SMURF2: variants seen among roughly 807,000 people sequenced by gnomAD.
SMURF2 encodes the protein E3 ubiquitin-protein ligase SMURF2.
A neutral mutation model predicts 109.6 loss-of-function variants in SMURF2; 48 were observed. The observed-to-expected ratio is 0.44, with a 90% CI of 0.35 to 0.56. The LOEUF (loss-of-function observed/expected upper bound fraction) is 0.56. SMURF2 is among the 20% of genes least tolerant of loss of function. The pLI is 0.01. For missense variants in SMURF2, 575 were observed against 909.0 expected (o/e 0.63, Z 4.72); for synonymous variants, 288 against 317.1 (o/e 0.91, Z 0.97).
chr17:64,594,804 TGG>T (rs1366320516), intron 3 of SMURF2, among the ~76,000 whole-genome samples: 1 of 152,024 alleles, frequency 6.6e-6, no homozygotes, highest in Non-Finnish European at 1.5e-5. Flanking sequence ...CTGACCAACA[TGG>T]AGAAACCCTG....
chr17:64,606,033 A>T (rs1399703705), intron 2 of SMURF2, among the ~76,000 whole-genome samples: 2 of 151,832 alleles, frequency 1.3e-5, no homozygotes, highest in Admixed American at 1.3e-4. Context: ...CCCTCTCATA[A>T]AACTTAGTAC....
intron 1 of SMURF2, among the ~76,000 whole-genome samples, chr17:64,650,202 GC>G (rs2144732692): frequency 7.5e-6 from 1 of 133,122 alleles, no homozygotes; most frequent in African/African-American, 3.3e-5. Flanking sequence ...AATAAGACTT[GC>G]CTTTTTTTTT....
intron 1 of SMURF2, among the ~76,000 whole-genome samples, chr17:64,612,812 T>C (rs1970062903): frequency 6.6e-6 from 1 of 151,806 alleles, no homozygotes; most frequent in Non-Finnish European, 1.5e-5. Flanking sequence ...AATTGAAAAA[T>C]CAAAAGAACA....
intron 1 of SMURF2, among the ~76,000 whole-genome samples, chr17:64,623,891 A>C (rs1251812942): frequency 6.6e-6 from 1 of 152,268 alleles, no homozygotes; most frequent in Non-Finnish European, 1.5e-5. Context: ...CTATACGTAG[A>C]CAGGAAAAAG....
In SMURF2 at chr17:64,604,212, T is replaced by G. The variant is rs559591560; in HGVS notation, c.91+2390A>C. Among the ~76,000 whole-genome samples the G allele has an allele frequency of 3.6e-4, 55 of 152,284 alleles. No individual in the cohort carries two copies. In the Middle Eastern group the frequency reaches 0.017, roughly 47 times the overall value. On this transcript the variant is annotated intron_variant, in intron 2 of 18. Coordinates refer to ENST00000262435, the MANE Select transcript of SMURF2 (RefSeq NM_022739.4). ...CTTCCATTCCTGGCTAACTCCCCTC[T>G]GAAGCCCTAAGGATTACCATTCCTG...
chr17:64,658,071 T>C (rs947509803), intron 1 of SMURF2, among the ~76,000 whole-genome samples: 10 of 152,130 alleles, frequency 6.6e-5, no homozygotes, highest in African/African-American at 2.4e-4. Context: ...AAAGTCATTA[T>C]GGGCCGGGTG....
At chr17:64,634,432 A>T (rs555711855) in intron 1 of SMURF2, among the ~76,000 whole-genome samples, 1 of 152,018 alleles carries the variant, frequency 6.6e-6, no homozygotes, top group Non-Finnish European at 1.5e-5. Context: ...CTGACTTTAA[A>T]CCATTTCCTG....
chr17:64,586,750 C>CAAAAAAAAAAAA (rs782490512), intron 5 of SMURF2, among the ~76,000 whole-genome samples: 2 of 27,462 alleles, frequency 7.3e-5, no homozygotes, highest in African/African-American at 2.6e-4. Flanking sequence ...GACTCCGTCT[C>CAAAAAAAAAAAA]AAAAAAAAAA....
intron 4 of SMURF2, among the ~76,000 whole-genome samples, chr17:64,591,435 AT>A (rs1246141966): frequency 6.6e-6 from 1 of 152,140 alleles, no homozygotes; most frequent in African/African-American, 2.4e-5. Context: ...GAATCCTCAT[AT>A]TTTTTTGAGG....
rs1555684671 is a variant in SMURF2, at chr17:64,562,919, A to G, written c.1064T>C (p.Leu355Ser). Residue 355 changes from leucine to serine, a missense_variant, in exon 11 of 19, where the codon TTA (leucine) becomes TCA (serine). By Grantham distance (145) the Leu-to-Ser change is moderately radical. Around this residue, in one of 5 missense-constraint regions of SMURF2, gnomAD observed 361 missense variants for 612.1 expected, o/e 0.59. Coordinates refer to ENST00000262435, the MANE Select transcript of SMURF2 (RefSeq NM_022739.4). ...KDQQQQQVVSLCPDDTECLTV... is the reference protein window; with the variant it reads ...KDQQQQQVVSSCPDDTECLTV... ...CAGGCATTCTGTGTCATCAGGACAT[A>G]ACGATACCACTTGCTGTTGCTGTTG... The G allele has an allele frequency of 1.2e-6, 2 of 1,614,182 alleles. No individual in the cohort carries two copies. The highest frequency in any genetic ancestry group is 1.7e-6 in the Non-Finnish European group (2 of 1,180,010).
chr17:64,588,579 TAA>T (rs1419664467), intron 5 of SMURF2, among the ~76,000 whole-genome samples: 1 of 152,078 alleles, frequency 6.6e-6, no homozygotes, highest in African/African-American at 2.4e-5. Context: ...TTTATGTATA[TAA>T]AAATACTAGA....
intron 11 of SMURF2, among the ~76,000 whole-genome samples, chr17:64,561,816 G>C (rs568044214): frequency 6.6e-6 from 1 of 152,020 alleles, no homozygotes; most frequent in Non-Finnish European, 1.5e-5. Flanking sequence ...GGGCAACATA[G>C]TGAAACTCTG....
At chr17:64,649,313 G>C (rs1555693260) in intron 1 of SMURF2, among the ~76,000 whole-genome samples, 1 of 152,098 alleles carries the variant, frequency 6.6e-6, no homozygotes, top group African/African-American at 2.4e-5. Flanking sequence ...CTACTGGCAA[G>C]AGGTGACGCT....
At chr17:64,599,989 C>T (rs1240187574) in intron 2 of SMURF2, among the ~76,000 whole-genome samples, 1 of 152,120 alleles carries the variant, frequency 6.6e-6, no homozygotes, top group African/African-American at 2.4e-5. Context: ...GCTTAAAAGT[C>T]GGGCAACAGG....
In SMURF2 at chr17:64,562,667, C is replaced by T. The variant is rs540925996; in HGVS notation, c.1212+104G>A. The T allele has an allele frequency of 4.5e-5, 52 of 1,161,380 alleles. No individual in the cohort carries two copies. In the African/African-American group the frequency reaches 5.0e-4, roughly 11 times the overall value. The allele number at this position is 1,161,380 out of a possible 1,614,324, so 71.9% of individuals were successfully genotyped here. On this transcript the variant is annotated intron_variant, in intron 11 of 18. Coordinates refer to ENST00000262435, the MANE Select transcript of SMURF2 (RefSeq NM_022739.4). The stretch of plus-strand genomic sequence containing the variant: ...TGCTGGGATTACAGGCGTGAGCCAC[C>T]GCACCCGGCCAATTTCTCTCTAATT...
At chr17:64,619,339 A>G (rs61271100) in intron 1 of SMURF2, among the ~76,000 whole-genome samples, 27,797 of 151,504 alleles carry the variant, frequency 0.18, 4,694 homozygotes, top group African/African-American at 0.44. Context: ...TTTGCCAGGC[A>G]TGGTGGCATG....
At chr17:64,548,050 T>G (rs907699476) in intron 16 of SMURF2, among the ~76,000 whole-genome samples, 1 of 152,180 alleles carries the variant, frequency 6.6e-6, no homozygotes, top group Non-Finnish European at 1.5e-5. Flanking sequence ...ATCTACTCAC[T>G]GCAAACTCCC....
At chr17:64,551,445 C>T (rs1969044478) in intron 16 of SMURF2, 139 bp downstream of exon 16, 1 of 903,170 alleles carries the variant, frequency 1.1e-6, no homozygotes, top group African/African-American at 1.7e-5. Context: ...AAGACTTTTC[C>T]TGTGAATAAG....
At chr17:64,591,417 C>G (rs1475522473) in intron 4 of SMURF2, among the ~76,000 whole-genome samples, 6 of 152,244 alleles carry the variant, frequency 3.9e-5, no homozygotes, top group African/African-American at 9.6e-5. Flanking sequence ...TCACATATGA[C>G]AATATGTGAA....
Sources: allele counts gnomAD v4.1 joint callset (sites outside exome capture counted in the v4.1 genomes callset), GRCh38; gene constraint gnomAD v4.1.1; regional missense constraint gnomAD v4.1.1; transcripts MANE v1.5; gene names NCBI Gene and HGNC (gene_info 2026-07-23, HGNC 2026-07-21).